TG: variants seen among roughly 807,000 people sequenced by gnomAD.
TG encodes thyroglobulin, also known as thyroid hormones.
A neutral mutation model predicts 324.7 loss-of-function variants in TG; 270 were observed. The observed-to-expected ratio is 0.83, with a 90% confidence interval of 0.75 to 0.92. The LOEUF (loss-of-function observed/expected upper bound fraction) is 0.92, where lower values mean the gene tolerates loss of function less well. Among genes scored for constraint, TG ranks in the 40% least tolerant of loss-of-function variants. The pLI, the probability that TG is intolerant of heterozygous loss-of-function variation, is 0.00. For missense variants in TG, 3,591 were observed against 3,456.4 expected (o/e 1.04, Z -0.98); for synonymous variants, 1,401 against 1,327.0 (o/e 1.06, Z -1.21).
chr8:132,995,230 A>G, intron 35 of TG: 1 of 955,804 alleles, frequency 1.0e-6, no homozygotes, highest in Non-Finnish European at 1.2e-6. Context: ...TCACCATGTT[A>G]CCTATTACCT....
At chr8:132,893,483 TGTG>T (rs534122623) in intron 10 of TG, among the ~76,000 whole-genome samples, 17 of 113,554 alleles carry the variant, frequency 1.5e-4, no homozygotes, top group East Asian at 8.0e-4. Context: ...ATGTGTGTGG[TGTG>T]GTGTGTGTGT....
intron 45 of TG, among the ~76,000 whole-genome samples, chr8:133,129,580 C>T (rs753609063): frequency 1.3e-5 from 2 of 152,100 alleles, no homozygotes; most frequent in South Asian, 2.1e-4. Context: ...ACTGCAGCCT[C>T]GAACCTCCTG....
intron 2 of TG, among the ~76,000 whole-genome samples, chr8:132,868,990 G>C (rs1038477121): frequency 2.0e-5 from 3 of 152,164 alleles, no homozygotes; most frequent in African/African-American, 7.2e-5. Context: ...CTCTTAATGT[G>C]CCTAACCTCC....
At chr8:133,130,957 C>T (rs554751910) in intron 45 of TG, among the ~76,000 whole-genome samples, 122 of 152,288 alleles carry the variant, frequency 8.0e-4, no homozygotes, top group African/African-American at 2.7e-3. Flanking sequence ...AACCCTGGGC[C>T]TCCTGGCTTC....
intron 41 of TG, among the ~76,000 whole-genome samples, chr8:133,092,990 A>G (rs1847803046): frequency 6.6e-6 from 1 of 152,166 alleles, no homozygotes; most frequent in Non-Finnish European, 1.5e-5. Flanking sequence ...CGAAGGAAAT[A>G]TTGAAACCGT....
intron 43 of TG, 140 bp from the exon 44 acceptor site, chr8:133,113,282 G>C (rs1274047706): frequency 2.1e-6 from 2 of 930,238 alleles, no homozygotes; most frequent in Non-Finnish European, 3.3e-6. Context: ...TTCGAACTCA[G>C]ACAGTCTGGC....
At chr8:133,079,408 G>A (rs1342462974) in intron 41 of TG, among the ~76,000 whole-genome samples, 1 of 152,228 alleles carries the variant, frequency 6.6e-6, no homozygotes, top group Non-Finnish European at 1.5e-5. Context: ...AAAGTGAAAT[G>A]TTCCCCTATG....
At chr8:133,133,726 C>A (rs1852126270) in intron 47 of TG, 66 bp downstream of exon 47, 8 of 1,553,152 alleles carry the variant, frequency 5.2e-6, no homozygotes, top group Non-Finnish European at 7.0e-6. Flanking sequence ...GTGCTCGCTG[C>A]ATGAGACCTG....
At chr8:132,903,917 G>A (rs1273287645) in intron 16 of TG, among the ~76,000 whole-genome samples, 1 of 152,210 alleles carries the variant, frequency 6.6e-6, no homozygotes, top group East Asian at 1.9e-4. Flanking sequence ...GTAAACTGTT[G>A]AGCACTGGAA....
intron 5 of TG, among the ~76,000 whole-genome samples, chr8:132,880,469 C>T (rs184934058): frequency 1.8e-4 from 28 of 152,296 alleles, no homozygotes; most frequent in African/African-American, 6.7e-4. Context: ...CCCCCTACCT[C>T]CCTATTAGTG....
At chr8:132,908,060 C>A in intron 17 of TG, 126 bp from the exon 18 acceptor site, 1 of 1,082,510 alleles carries the variant, frequency 9.2e-7, no homozygotes, top group Non-Finnish European at 1.4e-6. Context: ...AATGACAATG[C>A]AAAATGGCAG....
chr8:133,003,087 A>G, intron 35 of TG: 1 of 1,042,306 alleles, frequency 9.6e-7, no homozygotes, highest in Non-Finnish European at 1.2e-6. Context: ...TTGGCGAATT[A>G]CTGGAAGATG....
intron 45 of TG, among the ~76,000 whole-genome samples, chr8:133,125,605 C>G (rs920927999): frequency 3.3e-5 from 5 of 152,178 alleles, no homozygotes; most frequent in African/African-American, 1.2e-4. Flanking sequence ...GTTTCTGGTA[C>G]CAGACATTGC....
At chr8:132,966,239 A>G (rs1361322252) in intron 29 of TG, among the ~76,000 whole-genome samples, 1 of 152,152 alleles carries the variant, frequency 6.6e-6, no homozygotes, top group African/African-American at 2.4e-5. Context: ...CCAGGGGAAA[A>G]CTTCTGCATT....
Position 132,888,517 on chromosome 8 carries a change from G to C in TG, c.2710G>C (p.Ala904Pro), listed in dbSNP as rs927428140. The change falls in exon 10 of 48, where the codon GCT becomes CCT. Residue 904 changes from alanine (A) to proline (P), a missense_variant. Coordinates refer to ENST00000220616, the MANE Select transcript of TG (RefSeq NM_003235.5). Reference sequence around the variant, plus strand: ...TCGGAACTGCTGGTGTGTGGATGAGGCTGGCCAAGAACTGGAAGGAATGCG... The same window carrying C: ...TCGGAACTGCTGGTGTGTGGATGAGCCTGGCCAAGAACTGGAAGGAATGCG... ...DLRNCWCVDE[A>P]GQELEGMRSE... 1 of 1,611,456 alleles carries C rather than the reference G, an allele frequency of 6.2e-7. No individual in the cohort carries two copies. Among genetic ancestry groups the C allele is most frequent in the Admixed American group, 1.7e-5 (1 of 59,920 alleles).
intron 26 of TG, among the ~76,000 whole-genome samples, chr8:132,943,722 G>T (rs1359025005): frequency 6.6e-6 from 1 of 152,110 alleles, no homozygotes; most frequent in South Asian, 2.1e-4. Context: ...CCTGCAAGCT[G>T]AGACCCTGTC....
At chr8:132,899,709 G>C (rs1205703517) in intron 14 of TG, among the ~76,000 whole-genome samples, 1 of 152,166 alleles carries the variant, frequency 6.6e-6, no homozygotes, top group Non-Finnish European at 1.5e-5. Flanking sequence ...TCCTTCCTGG[G>C]CACTGATGCT....
chr8:133,025,088 C>T (rs1043704275), intron 40 of TG, among the ~76,000 whole-genome samples: 1 of 152,224 alleles, frequency 6.6e-6, no homozygotes, highest in African/African-American at 2.4e-5. Flanking sequence ...CATTGCGCCT[C>T]CGTGCTCTTC....
chr8:133,041,807 TA>T (rs1451395045), intron 41 of TG, among the ~76,000 whole-genome samples: 1 of 142,106 alleles, frequency 7.0e-6, no homozygotes, highest in Non-Finnish European at 1.5e-5. Context: ...TTTTTTTTTT[TA>T]GACGGAGTCT....
Sources: gnomAD v4.1 joint callset for allele counts (sites outside exome capture counted in the v4.1 genomes callset) on GRCh38, gnomAD v4.1.1 for gene constraint, MANE v1.5 for transcripts, NCBI Gene and HGNC (gene_info 2026-07-23, HGNC 2026-07-21) for gene names.